The following MEIKIN variants were observed in gnomAD, a reference collection of about 807,000 sequenced individuals.
MEIKIN encodes the protein meiotic kinetochore factor.
intron 5 of MEIKIN, among the ~76,000 whole-genome samples, chr5:131,931,436 C>T (rs1358473065): frequency 6.6e-6 from 1 of 152,166 alleles, no homozygotes; most frequent in Non-Finnish European, 1.5e-5. Context: ...TCACCAATCA[C>T]CTTGGGTATG....
chr5:131,888,570 T>C (rs1750844709), intron 8 of MEIKIN, among the ~76,000 whole-genome samples: 1 of 152,064 alleles, frequency 6.6e-6, no homozygotes, highest in African/African-American at 2.4e-5. Flanking sequence ...TGTTTTTTTC[T>C]TGTAAATTTG....
chr5:131,920,461 T>A (rs2149647252), intron 6 of MEIKIN, among the ~76,000 whole-genome samples: 1 of 152,318 alleles, frequency 6.6e-6, no homozygotes, highest in South Asian at 2.1e-4. Context: ...GTTTACAGTC[T>A]CAAACTATCT....
At chr5:131,835,355 C>T (rs1004297234) in intron 11 of MEIKIN, among the ~76,000 whole-genome samples, 1 of 151,952 alleles carries the variant, frequency 6.6e-6, no homozygotes, top group Admixed American at 6.6e-5. Context: ...TGCACTGAAG[C>T]CTTTTTATTC....
intron 11 of MEIKIN, among the ~76,000 whole-genome samples, chr5:131,841,881 C>T (rs1048366551): frequency 7.2e-5 from 11 of 152,118 alleles, no homozygotes; most frequent in African/African-American, 2.2e-4. Context: ...ATAAAGACAA[C>T]TGATTTTTGT....
intron 8 of MEIKIN, among the ~76,000 whole-genome samples, chr5:131,899,511 A>T (rs1270592326): frequency 6.6e-6 from 1 of 151,766 alleles, no homozygotes; most frequent in East Asian, 1.9e-4. Flanking sequence ...TACACTGTCC[A>T]ATCAAAAGAC....
At chr5:131,815,434 T>C (rs1269094548) in intron 12 of MEIKIN, among the ~76,000 whole-genome samples, 1 of 152,234 alleles carries the variant, frequency 6.6e-6, no homozygotes, top group African/African-American at 2.4e-5. Flanking sequence ...CCATGCATTA[T>C]TAACCCTGGT....
At chr5:131,855,734 G>A (rs1434617728) in intron 9 of MEIKIN, among the ~76,000 whole-genome samples, 2 of 152,072 alleles carry the variant, frequency 1.3e-5, no homozygotes, top group African/African-American at 4.8e-5. Context: ...TTGAGAGAGA[G>A]AGACAGAGAA....
chr5:131,936,235 T>C (rs538811096), intron 4 of MEIKIN, among the ~76,000 whole-genome samples: 1 of 152,328 alleles, frequency 6.6e-6, no homozygotes, highest in Admixed American at 6.5e-5. Flanking sequence ...AAAAACATAT[T>C]TTTATCAAAT....
chr5:131,848,413 T>G (rs1376716642), intron 11 of MEIKIN, among the ~76,000 whole-genome samples: 1 of 152,040 alleles, frequency 6.6e-6, no homozygotes, highest in African/African-American at 2.4e-5. Context: ...ATCAACAAAT[T>G]TGATAACCTA....
intron 8 of MEIKIN, among the ~76,000 whole-genome samples, chr5:131,897,960 G>A (rs536092467): frequency 6.6e-6 from 1 of 152,228 alleles, no homozygotes; most frequent in African/African-American, 2.4e-5. Flanking sequence ...GAGGAGATGC[G>A]ATCCTTTGGA....
chr5:131,893,557 G>C (rs535802567), intron 8 of MEIKIN, among the ~76,000 whole-genome samples: 4 of 152,142 alleles, frequency 2.6e-5, no homozygotes, highest in African/African-American at 9.7e-5. Flanking sequence ...GCGATGCCTC[G>C]CCCTGCTTCA....
At chr5:131,925,244 T>C (rs1482235597) in intron 5 of MEIKIN, among the ~76,000 whole-genome samples, 2 of 152,302 alleles carry the variant, frequency 1.3e-5, no homozygotes, top group East Asian at 3.9e-4. Flanking sequence ...CTTCTCAAGA[T>C]TGTTTTGGCT....
chr5:131,930,524 G>T (rs888878529), intron 5 of MEIKIN, among the ~76,000 whole-genome samples: 9 of 152,040 alleles, frequency 5.9e-5, no homozygotes, highest in African/African-American at 2.2e-4. Context: ...TGTTTTTCTT[G>T]CAATTGCTTT....
rs949496397 is a variant in MEIKIN at position 131,810,328 on chromosome 5, TA to T, written c.1100-3071del. Among the ~76,000 whole-genome samples, 468 of 151,754 alleles carry T rather than the reference TA, an allele frequency of 3.1e-3. 2 individuals are homozygous for T. The highest frequency in any genetic ancestry group is 9.8e-3 in the African/African-American group (404 of 41,390). ...GTCTCTTCTGGAGCTCAAAATAGAA[TA>T]AAAAAAAATCTTAAAATTTACTATA... On this transcript the variant is annotated intron_variant, in intron 12 of 12. Coordinates refer to ENST00000442687, the MANE Select transcript of MEIKIN (RefSeq NM_001303622.2).
intron 9 of MEIKIN, among the ~76,000 whole-genome samples, chr5:131,860,270 T>C (rs1003652477): frequency 2.0e-5 from 3 of 151,136 alleles, no homozygotes; most frequent in Non-Finnish European, 2.9e-5. Flanking sequence ...CTTGGTTAAA[T>C]TTATGCCTAG....
intron 9 of MEIKIN, among the ~76,000 whole-genome samples, chr5:131,868,122 C>A (rs989071921): frequency 6.6e-6 from 1 of 152,192 alleles, no homozygotes; most frequent in Non-Finnish European, 1.5e-5. Context: ...CAGAGTCTCA[C>A]TCTGTTGCCC....
At chr5:131,825,601 C>T (rs1749597009) in intron 11 of MEIKIN, among the ~76,000 whole-genome samples, 1 of 152,132 alleles carries the variant, frequency 6.6e-6, no homozygotes, top group Non-Finnish European at 1.5e-5. Context: ...GCTACTCAGC[C>T]CCCAGAGGTC....
At chr5:131,837,916 G>A (rs1749839689) in intron 11 of MEIKIN, among the ~76,000 whole-genome samples, 2 of 152,122 alleles carry the variant, frequency 1.3e-5, no homozygotes, top group South Asian at 2.1e-4. Context: ...TGGTGAGAGA[G>A]GGCATTCTTG....
At chr5:131,902,231 G>A (rs764868482) in intron 8 of MEIKIN, among the ~76,000 whole-genome samples, 6 of 152,076 alleles carry the variant, frequency 3.9e-5, no homozygotes, top group Non-Finnish European at 7.4e-5. Context: ...TCAGGGGTTC[G>A]AGACCAGCCT....
Sources: gnomAD v4.1 joint callset for allele counts (sites outside exome capture counted in the v4.1 genomes callset) on GRCh38, gnomAD v4.1.1 for gene constraint, MANE v1.5 for transcripts, NCBI Gene and HGNC (gene_info 2026-07-23, HGNC 2026-07-21) for gene names.